Variants in VAPB observed in about 807,000 individuals in gnomAD.
The protein encoded by VAPB is VAMP associated protein B and C, also known as vesicle-associated membrane protein-associated protein B/C.
A neutral mutation model predicts 25.6 loss-of-function variants in VAPB; 7 were observed. That is an observed-to-expected ratio of 0.27 (90% CI 0.16 to 0.51). The LOEUF is 0.51. Among genes scored for constraint, VAPB ranks in the 20% least tolerant of loss-of-function variants. The probability of loss-of-function intolerance (pLI) is 0.97; values close to 1 mark genes in which losing one functional copy is unlikely to be tolerated. For missense variants in VAPB, 266 were observed against 301.3 expected (o/e 0.88, Z 0.87); for synonymous variants, 112 against 109.2 (o/e 1.03, Z -0.16).
chr20:58,416,485 ATTTC>A (rs979379773), intron 1 of VAPB, among the ~76,000 whole-genome samples: 2 of 77,262 alleles, frequency 2.6e-5, no homozygotes, highest in African/African-American at 1.0e-4. Context: ...AGTTTTCTGT[ATTTC>A]TTTGCAGTTG....
intron 2 of VAPB, among the ~76,000 whole-genome samples, chr20:58,423,742 CTTTG>C (rs1250023615): frequency 6.6e-6 from 1 of 152,188 alleles, no homozygotes; most frequent in Non-Finnish European, 1.5e-5. Context: ...CAACATTCTT[CTTTG>C]TTTGATTGTT....
At chr20:58,390,576 T>C (rs746812812) in intron 1 of VAPB, among the ~76,000 whole-genome samples, 1 of 152,142 alleles carries the variant, frequency 6.6e-6, no homozygotes, top group Non-Finnish European at 1.5e-5. Flanking sequence ...CACAAGATCA[T>C]TGCAGATAGT....
chr20:58,398,638 T>C (rs2024554), intron 1 of VAPB, among the ~76,000 whole-genome samples: 20,722 of 152,176 alleles, frequency 0.14, 1,473 homozygotes, highest in African/African-American at 0.18. Context: ...CTGCTTTGGG[T>C]GTTCGATCTC....
rs1482732890 is a variant in VAPB at position 58,396,629 on chromosome 20, ATG to A, written c.58+7117_58+7118del. 3.3e-5 allele frequency among the ~76,000 whole-genome samples: 5 copies of A among 152,310 alleles called. No homozygotes were observed. In the East Asian group the frequency reaches 9.6e-4, roughly 29 times the overall value. On this transcript the variant is annotated intron_variant, in intron 1 of 5. Transcript: ENST00000475243. ...AACCTAAGGATCTGGGAGTGGTCAT[ATG>A]TGTGAGTGGTGAAATGTGCCCCCCA...
At chr20:58,430,535 C>A (rs2123081808) in intron 2 of VAPB, among the ~76,000 whole-genome samples, 2 of 152,186 alleles carry the variant, frequency 1.3e-5, no homozygotes, top group African/African-American at 4.8e-5. Context: ...TCTGGGATTA[C>A]AGCCATGAGC....
At chr20:58,391,278 A>G (rs1987789615) in intron 1 of VAPB, among the ~76,000 whole-genome samples, 1 of 151,838 alleles carries the variant, frequency 6.6e-6, no homozygotes, top group African/African-American at 2.4e-5. Context: ...TTTTCCCTCA[A>G]CCTCCTCCCA....
chr20:58,400,660 T>C (rs571833857), intron 1 of VAPB, among the ~76,000 whole-genome samples: 2 of 152,358 alleles, frequency 1.3e-5, no homozygotes, highest in South Asian at 4.1e-4. Flanking sequence ...ATTCTCTTCT[T>C]CTTCTTGTTT....
rs1460639913 is a variant in VAPB, at chr20:58,444,376, C to G, written c.*141C>G. The G allele has an allele frequency of 9.1e-7, 1 of 1,104,468 alleles. No individual in the cohort carries two copies. The highest frequency in any genetic ancestry group is 1.5e-5 in the African/African-American group (1 of 65,288). 68.4% of individuals were successfully genotyped at this position (1,104,468 alleles called of 1,614,324 possible). On this transcript the variant is annotated 3_prime_UTR_variant, in exon 6 of 6. Coordinates refer to ENST00000475243, the MANE Select transcript of VAPB (RefSeq NM_004738.5). Reference sequence around the variant, plus strand: ...TGCCTTTAAATTACCCCTCCCTGCACACACATACACAGATACACACACACA... The same window carrying G: ...TGCCTTTAAATTACCCCTCCCTGCAGACACATACACAGATACACACACACA...
chr20:58,417,010 A>G (rs1402098328), intron 1 of VAPB, among the ~76,000 whole-genome samples: 2 of 152,338 alleles, frequency 1.3e-5, no homozygotes, highest in East Asian at 1.9e-4. Context: ...TGTTGAGTCA[A>G]CATTACGTAT....
chr20:58,401,955 C>G (rs1263413187), intron 1 of VAPB, among the ~76,000 whole-genome samples: 1 of 152,154 alleles, frequency 6.6e-6, no homozygotes, highest in East Asian at 1.9e-4. Context: ...TTCCCCATTC[C>G]CTCTATGGCT....
At chr20:58,391,306 G>A (rs369873062) in intron 1 of VAPB, among the ~76,000 whole-genome samples, 2 of 152,144 alleles carry the variant, frequency 1.3e-5, no homozygotes, top group East Asian at 3.9e-4. Flanking sequence ...AGGGAAGGGG[G>A]CAGATGAGAA....
chr20:58,397,535 CA>C (rs1398412876), intron 1 of VAPB, among the ~76,000 whole-genome samples: 1 of 143,268 alleles, frequency 7.0e-6, no homozygotes, highest in Non-Finnish European at 1.5e-5. Context: ...AAAAAAAAAA[CA>C]AAACACATTA....
chr20:58,441,169 A>G, intron 5 of VAPB, 86 bp downstream of exon 5: 1 of 1,431,282 alleles, frequency 7.0e-7, no homozygotes. Context: ...GCCAGTGAAT[A>G]TATAGATTTC....
chr20:58,402,557 C>G (rs1295786741), intron 1 of VAPB, among the ~76,000 whole-genome samples: 2 of 137,588 alleles, frequency 1.5e-5, no homozygotes, highest in African/African-American at 2.9e-5. Flanking sequence ...GCAAGCCCCC[C>G]CACCCTTTTT....
intron 2 of VAPB, among the ~76,000 whole-genome samples, chr20:58,430,855 C>T (rs563695170): frequency 3.2e-4 from 49 of 152,290 alleles, no homozygotes; most frequent in Non-Finnish European, 5.4e-4. Context: ...GGATTACAGG[C>T]GTGAGCCACT....
At chr20:58,395,692 T>G (rs932800092) in intron 1 of VAPB, among the ~76,000 whole-genome samples, 1 of 152,216 alleles carries the variant, frequency 6.6e-6, no homozygotes, top group African/African-American at 2.4e-5. Context: ...GTTTCCAGAT[T>G]GGCATCCTTG....
intron 5 of VAPB, among the ~76,000 whole-genome samples, chr20:58,441,557 G>T: frequency 6.6e-6 from 1 of 152,146 alleles, no homozygotes; most frequent in East Asian, 1.9e-4. Flanking sequence ...CAGGAGAATC[G>T]CTTGAACCCA....
intron 1 of VAPB, among the ~76,000 whole-genome samples, chr20:58,402,488 C>T (rs1028550754): frequency 9.9e-5 from 15 of 151,948 alleles, no homozygotes; most frequent in Admixed American, 6.6e-5. Context: ...GGCTCCCACA[C>T]ATGTCACAGC....
intron 1 of VAPB, among the ~76,000 whole-genome samples, chr20:58,393,201 T>A (rs969291298): frequency 5.3e-5 from 8 of 152,274 alleles, no homozygotes; most frequent in African/African-American, 1.9e-4. Context: ...GGCTAATTTT[T>A]AAATTTTTTT....
Sources: allele counts gnomAD v4.1 joint callset (sites outside exome capture counted in the v4.1 genomes callset), GRCh38; gene constraint gnomAD v4.1.1; transcripts MANE v1.5; gene names NCBI Gene and HGNC (gene_info 2026-07-23, HGNC 2026-07-21).